Variants in MTTP observed in about 807,000 individuals in gnomAD.
MTTP encodes the protein microsomal triglyceride transfer protein.
MTTP carries 49 observed loss-of-function variants against 90.6 expected under a neutral mutation model. The ratio of observed to expected loss-of-function variants is 0.54; its 90% confidence interval spans 0.43 to 0.69. The LOEUF (loss-of-function observed/expected upper bound fraction) is 0.69, where lower values mean the gene tolerates loss of function less well. Among genes scored for constraint, MTTP ranks in the 30% least tolerant of loss-of-function variants. The pLI, the probability that MTTP is intolerant of heterozygous loss-of-function variation, is 0.00. For synonymous variants in MTTP, 347 were observed against 384.2 expected (o/e 0.90, Z 1.13); for missense variants, 945 against 1,067.5 (o/e 0.89, Z 1.60).
At chr4:99,601,060 G>A (rs998538203) in intron 9 of MTTP, among the ~76,000 whole-genome samples, 6 of 152,064 alleles carry the variant, frequency 3.9e-5, no homozygotes, top group Admixed American at 3.9e-4. Context: ...TACAAGATTT[G>A]TTTTGACTTC....
intron 1 of MTTP, chr4:99,564,409 GA>G: frequency 1.6e-6 from 1 of 620,518 alleles, no homozygotes; most frequent in Non-Finnish European, 2.6e-6. Flanking sequence ...AACTCAAGTG[GA>G]AAATTAAATT....
At chr4:99,612,486 C>T (rs889101481) in intron 14 of MTTP, among the ~76,000 whole-genome samples, 1 of 151,916 alleles carries the variant, frequency 6.6e-6, no homozygotes, top group African/African-American at 2.4e-5. Flanking sequence ...AACACCTTTC[C>T]ATCTACTTTT....
At chr4:99,612,773 T>G in intron 14 of MTTP, 140 bp from the exon 15 acceptor site, 1 of 742,518 alleles carries the variant, frequency 1.3e-6, no homozygotes. Flanking sequence ...TTTTGTCTGT[T>G]TTAGTTTTTG....
chr4:99,591,931 A>C, intron 6 of MTTP, 141 bp downstream of exon 6: 1 of 807,558 alleles, frequency 1.2e-6, no homozygotes, highest in South Asian at 1.7e-5. Context: ...ATAAGTTCTG[A>C]GAAAAGCATT....
chr4:99,609,082 G>C, intron 12 of MTTP, 105 bp downstream of exon 12: 1 of 1,159,638 alleles, frequency 8.6e-7, no homozygotes, highest in Non-Finnish European at 1.3e-6. Context: ...GCAGGGTTAC[G>C]TTGCATAAAA....
At chr4:99,588,718 C>CAT (rs1334243034) in intron 3 of MTTP, among the ~76,000 whole-genome samples, 2 of 101,808 alleles carry the variant, frequency 2.0e-5, no homozygotes, top group Admixed American at 9.7e-5. Context: ...TATATATGTT[C>CAT]ATATATATAC....
intron 1 of MTTP, among the ~76,000 whole-genome samples, chr4:99,580,574 CAAAAAAAAAAAAAA>C (rs563138284): frequency 2.5e-5 from 1 of 39,880 alleles, no homozygotes; most frequent in Non-Finnish European, 4.9e-5. Context: ...GACTCTGTCT[CAAAAAAAAAAAAAA>C]AAAAAAAAAA....
intron 3 of MTTP, among the ~76,000 whole-genome samples, chr4:99,585,821 C>T (rs1448861831): frequency 6.6e-6 from 1 of 152,080 alleles, no homozygotes; most frequent in African/African-American, 2.4e-5. Flanking sequence ...GGTTAAAGTA[C>T]ATCATTGTAT....
At chr4:99,607,052 C>A in intron 11 of MTTP, 92 bp downstream of exon 11, 1 of 1,114,446 alleles carries the variant, frequency 9.0e-7, no homozygotes, top group Non-Finnish European at 1.3e-6. Context: ...TCAAGTCACT[C>A]TGTATTTTCC....
chr4:99,616,961 G>C (rs993371857), intron 15 of MTTP, among the ~76,000 whole-genome samples: 1 of 152,152 alleles, frequency 6.6e-6, no homozygotes, highest in African/African-American at 2.4e-5. Context: ...CTGCTGGACT[G>C]GGTGGATGAA....
chr4:99,598,807 G>T (rs983382817), intron 8 of MTTP, among the ~76,000 whole-genome samples: 3 of 151,912 alleles, frequency 2.0e-5, no homozygotes, highest in Non-Finnish European at 4.4e-5. Context: ...GGGATTACAG[G>T]CATGTGCCAC....
chr4:99,608,187 C>T (rs1442034880), intron 11 of MTTP, among the ~76,000 whole-genome samples: 2 of 152,202 alleles, frequency 1.3e-5, no homozygotes, highest in Non-Finnish European at 2.9e-5. Context: ...TGGCTCACGC[C>T]TGTAATCCCA....
intron 4 of MTTP, among the ~76,000 whole-genome samples, chr4:99,591,013 A>G (rs1308539842): frequency 2.0e-5 from 3 of 152,022 alleles, no homozygotes; most frequent in African/African-American, 7.2e-5. Flanking sequence ...ATTATTTGTG[A>G]AAAAAAATGA....
chr4:99,583,264 AG>A (rs2110212546), intron 2 of MTTP, 109 bp from the exon 3 acceptor site: 1 of 1,225,760 alleles, frequency 8.2e-7, no homozygotes, highest in African/African-American at 1.5e-5. Flanking sequence ...AAATGACAGA[AG>A]AAATTGTGGC....
At chr4:99,583,770 T>C (rs2110212928) in intron 3 of MTTP, 2 of 580,310 alleles carry the variant, frequency 3.4e-6, no homozygotes, top group East Asian at 5.6e-5. Flanking sequence ...TATTTATTTA[T>C]TGATGAAAGG....
intron 12 of MTTP, 116 bp from the exon 13 acceptor site, chr4:99,611,027 C>A: frequency 3.8e-6 from 4 of 1,045,840 alleles, no homozygotes; most frequent in Non-Finnish European, 4.4e-6. Flanking sequence ...CTTGGAAAGG[C>A]ATGAGGAAAA....
At chr4:99,614,948 A>T (rs1249861850) in intron 15 of MTTP, among the ~76,000 whole-genome samples, 3 of 152,236 alleles carry the variant, frequency 2.0e-5, no homozygotes, top group Non-Finnish European at 4.4e-5. Flanking sequence ...TCACACATGA[A>T]AAAAACAGTT....
chr4:99,591,122 G>T (rs1362707649), intron 4 of MTTP, 113 bp from the exon 5 acceptor site: 2 of 780,294 alleles, frequency 2.6e-6, no homozygotes, highest in Non-Finnish European at 4.6e-6. Flanking sequence ...TCCTGGGGGA[G>T]AAAAAAAGTC....
Position 99,622,718 on chromosome 4 carries a change from G to A in MTTP, c.2555G>A (p.Gly852Asp). ...TACGAAAGGCTGTCCACAGGCAGAGGTTATGTCTCTCAGAAAAGAAAAGAA... is the reference window on the plus strand; with the variant it reads ...TACGAAAGGCTGTCCACAGGCAGAGATTATGTCTCTCAGAAAAGAAAAGAA... ...KKYERLSTGR[G>D]YVSQKRKESV... The change falls in exon 18 of 18, where the codon GGT (glycine) becomes GAT (aspartate). Residue 852 changes from glycine to aspartate, a missense_variant. By Grantham distance (94) the Gly-to-Asp change is moderately conservative. Transcript: ENST00000265517. 6.2e-7 allele frequency: 1 copy of A among 1,614,054 alleles called. No homozygotes were observed. The highest frequency in any genetic ancestry group is 1.1e-5 in the South Asian group (1 of 91,080).
Sources: gnomAD v4.1 joint callset for allele counts (sites outside exome capture counted in the v4.1 genomes callset) on GRCh38, gnomAD v4.1.1 for gene constraint, MANE v1.5 for transcripts, NCBI Gene and HGNC (gene_info 2026-07-23, HGNC 2026-07-21) for gene names.